Variants in ABCB5 observed in about 807,000 individuals in gnomAD.
ABCB5 encodes the protein ATP binding cassette subfamily B member 5.
Under a neutral mutation model 144.2 loss-of-function variants are expected in ABCB5, and 155 were observed. That is an observed-to-expected ratio of 1.08 (90% CI 0.94 to 1.23). The LOEUF is 1.23. Among genes scored for constraint, ABCB5 ranks in the 50% most tolerant of loss-of-function variants. The pLI is 0.00. For synonymous variants in ABCB5, 610 were observed against 528.6 expected, an observed-to-expected ratio of 1.15 and a Z score of -2.11; for missense variants, 1,830 against 1,520.8, an observed-to-expected ratio of 1.20 and a Z score of -3.38.
At position 20,734,335 on chromosome 7, in the gene ABCB5, T is replaced by G. The variant is rs559780356; in HGVS notation, c.2868-4648T>G. 9.9e-5 allele frequency among the ~76,000 whole-genome samples: 15 copies of G among 151,614 alleles called. No individual in the cohort carries two copies. The East Asian group carries it at 2.9e-3, about 29-fold the overall frequency. On this transcript the variant is annotated intron_variant, in intron 23 of 27. Transcript: ENST00000404938. ...AGAATTCTTCTTAGATAAAAAGCAC[T>G]TTGAGCCATTCTCTAAACCAATGGT...
At chr7:20,693,358 C>A (rs1263124472) in intron 16 of ABCB5, among the ~76,000 whole-genome samples, 2 of 151,600 alleles carry the variant, frequency 1.3e-5, no homozygotes, top group East Asian at 3.9e-4. Flanking sequence ...AGAACAAGAC[C>A]CTGTCTCAAA....
chr7:20,682,519 C>G (rs900806377), intron 15 of ABCB5, among the ~76,000 whole-genome samples: 3 of 152,018 alleles, frequency 2.0e-5, no homozygotes, highest in African/African-American at 7.2e-5. Flanking sequence ...TAAGAAGGAA[C>G]TTGGTGTGCG....
At chr7:20,677,291 A>G (rs1168764074) in intron 14 of ABCB5, among the ~76,000 whole-genome samples, 1 of 152,224 alleles carries the variant, frequency 6.6e-6, no homozygotes, top group South Asian at 2.1e-4. Flanking sequence ...AGAGGGGAGC[A>G]TAACTGTCCA....
intron 26 of ABCB5, among the ~76,000 whole-genome samples, chr7:20,749,080 T>G (rs1343711746): frequency 9.9e-5 from 15 of 151,872 alleles, no homozygotes; most frequent in Admixed American, 9.9e-4. Context: ...TTCTTTCTCT[T>G]TCTTTCTTGC....
chr7:20,674,754 A>C (rs1319565419), intron 14 of ABCB5, among the ~76,000 whole-genome samples: 1 of 135,316 alleles, frequency 7.4e-6, no homozygotes, highest in Non-Finnish European at 1.5e-5. Flanking sequence ...AAGACTACAC[A>C]CACACACACA....
chr7:20,749,310 C>T (rs1234250617), intron 26 of ABCB5, among the ~76,000 whole-genome samples: 1 of 150,498 alleles, frequency 6.6e-6, no homozygotes, highest in Non-Finnish European at 1.5e-5. Context: ...TCACTGCAGC[C>T]TTGACCTCCT....
chr7:20,693,193 T>C (rs1408040947), intron 16 of ABCB5, among the ~76,000 whole-genome samples: 2 of 151,838 alleles, frequency 1.3e-5, no homozygotes, highest in South Asian at 2.1e-4. Context: ...GGAGACCCTG[T>C]TTCTACAAAA....
chr7:20,730,727 G>A (rs532519207), intron 23 of ABCB5, among the ~76,000 whole-genome samples: 1 of 152,176 alleles, frequency 6.6e-6, no homozygotes, highest in South Asian at 2.1e-4. Flanking sequence ...CAGCCCCCGT[G>A]AGCCAGTTTT....
At position 20,647,557 on chromosome 7, in the gene ABCB5, G is replaced by C; in HGVS notation, c.1004G>C (p.Ser335Thr). 5 of 1,583,304 alleles carry C rather than the reference G, an allele frequency of 3.2e-6. No individual in the cohort carries two copies. The highest frequency in any genetic ancestry group is 4.3e-6 in the Non-Finnish European group (5 of 1,163,620). ...VLAVFFSVIH[S>T]SYCIGAAVPH... is the part of the protein sequence containing the mutation. ...TAGGTTTTCTTTAGTGTAATCCATA[G>C]CAGTTATTGCATTGGAGCAGCAGTC... The change falls in exon 10 of 28, where the codon AGC becomes ACC. Residue 335 changes from serine to threonine, a missense_variant. By Grantham distance (58) the Ser-to-Thr change is moderately conservative. Transcript: ENST00000404938.
At chr7:20,681,972 C>T (rs775218679) in intron 15 of ABCB5, among the ~76,000 whole-genome samples, 2 of 151,940 alleles carry the variant, frequency 1.3e-5, no homozygotes, top group Non-Finnish European at 2.9e-5. Context: ...TTTGGGAGGT[C>T]GAGGCGGGCG....
In ABCB5 at chr7:20,647,756, T is replaced by C. The variant is rs1451355855; in HGVS notation, c.1095+108T>C. 2.7e-6 allele frequency: 4 copies of C among 1,468,870 alleles called. No individual in the cohort carries two copies. In the African/African-American group the frequency reaches 5.7e-5, roughly 21 times the overall value. The allele number at this position is 1,468,870 out of a possible 1,614,324, so 91.0% of individuals were successfully genotyped here. On this transcript the variant is annotated intron_variant, in intron 10 of 27. Transcript: ENST00000404938. ...AACAATAGGATGGACAAATTTAATGTTGGCCAGTTGTTTATGGGAAAGAGA... is the reference window on the plus strand; with the variant it reads ...AACAATAGGATGGACAAATTTAATGCTGGCCAGTTGTTTATGGGAAAGAGA...
In ABCB5 at chr7:20,681,604, A is replaced by G. The variant is rs1785832289; in HGVS notation, c.1807A>G (p.Lys603Glu). The G allele has an allele frequency of 6.2e-7, 1 of 1,614,150 alleles. No homozygotes were observed. Among genetic ancestry groups the G allele is most frequent in the African/African-American group, 1.3e-5 (1 of 75,010 alleles). The change falls in exon 15 of 28, where the codon AAA (lysine) becomes GAA (glutamate). Residue 603 changes from lysine to glutamate, a missense_variant. By Grantham distance (56) the Lys-to-Glu change is moderately conservative. Coordinates refer to ENST00000404938, the MANE Select transcript of ABCB5 (RefSeq NM_001163941.2). ...VTLKDGMLAE[K>E]GAHAELMAKR... The stretch of plus-strand genomic sequence containing the variant: ...CCTAAAGGATGGAATGCTGGCGGAG[A>G]AAGGAGCACATGCTGAACTAATGGC...
intron 23 of ABCB5, among the ~76,000 whole-genome samples, chr7:20,738,646 G>A (rs1782463727): frequency 6.6e-6 from 1 of 152,148 alleles, no homozygotes; most frequent in Non-Finnish European, 1.5e-5. Context: ...ATTGTCAGTT[G>A]AATTCTCTGT....
chr7:20,656,880 T>C (rs1195949403), intron 13 of ABCB5, among the ~76,000 whole-genome samples: 1 of 151,222 alleles, frequency 6.6e-6, no homozygotes, highest in African/African-American at 2.4e-5. Flanking sequence ...ATGAACAAAT[T>C]GTGATAGATC....
chr7:20,741,790 G>GCACA (rs374037490), intron 24 of ABCB5, among the ~76,000 whole-genome samples: 29 of 151,222 alleles, frequency 1.9e-4, no homozygotes, highest in Non-Finnish European at 3.2e-4. Context: ...ACACACACAT[G>GCACA]CACACACACA....
intron 14 of ABCB5, among the ~76,000 whole-genome samples, chr7:20,677,261 G>A (rs954928494): frequency 6.6e-6 from 1 of 152,114 alleles, no homozygotes; most frequent in Non-Finnish European, 1.5e-5. Context: ...AAAGAGCTCC[G>A]AAGCACAGGT....
intron 15 of ABCB5, among the ~76,000 whole-genome samples, chr7:20,684,818 T>A (rs1026019600): frequency 6.6e-6 from 1 of 152,172 alleles, no homozygotes; most frequent in African/African-American, 2.4e-5. Flanking sequence ...CTGGAAACTC[T>A]TCCATGTGCA....
chr7:20,629,755 T>G (rs879889250), intron 4 of ABCB5, among the ~76,000 whole-genome samples: 1 of 150,806 alleles, frequency 6.6e-6, no homozygotes, highest in East Asian at 1.9e-4. Flanking sequence ...AGAGCGAAAC[T>G]CCATCTCAAA....
At chr7:20,626,079 T>C (rs1783902906) in intron 2 of ABCB5, among the ~76,000 whole-genome samples, 1 of 152,196 alleles carries the variant, frequency 6.6e-6, no homozygotes, top group African/African-American at 2.4e-5. Flanking sequence ...AAATGCTATA[T>C]GATTCTATTT....
Sources: allele counts gnomAD v4.1 joint callset (sites outside exome capture counted in the v4.1 genomes callset), GRCh38; gene constraint gnomAD v4.1.1; transcripts MANE v1.5; gene names NCBI Gene and HGNC (gene_info 2026-07-23, HGNC 2026-07-21).